PRELID2: variants seen among roughly 807,000 people sequenced by gnomAD.
PRELID2 encodes PRELI domain-containing protein 2.
In PRELID2, 25 loss-of-function variants were observed where a neutral mutation model predicts 28.4. That is an observed-to-expected ratio of 0.88 (90% confidence interval 0.64 to 1.23). PRELID2 has a LOEUF of 1.23. Ranked by LOEUF, PRELID2 falls within the 50% of genes most tolerant of loss-of-function variation. The pLI is 0.00. For missense variants in PRELID2, 201 were observed against 214.4 expected (o/e 0.94, Z 0.39); for synonymous variants, 76 against 71.6 (o/e 1.06, Z -0.31).
the PRELID2 span, among the ~76,000 whole-genome samples, chr5:145,398,026 C>T: frequency 5.3e-5 from 8 of 152,252 alleles, no homozygotes; most frequent in East Asian, 1.5e-3. Context: ...TTGAAATGAA[C>T]TTTGCATACC....
downstream of PRELID2, among the ~76,000 whole-genome samples, chr5:145,751,904 C>T (rs1243117953): frequency 1.3e-5 from 2 of 152,146 alleles, no homozygotes; most frequent in Non-Finnish European, 1.5e-5. Flanking sequence ...ATTGCTTGAA[C>T]CCAGGAAGCA....
the PRELID2 span, among the ~76,000 whole-genome samples, chr5:145,318,563 C>G: frequency 6.6e-6 from 1 of 152,242 alleles, no homozygotes; most frequent in Non-Finnish European, 1.5e-5. Flanking sequence ...CCTGGCCCCC[C>G]TCACAAGATG....
intron 1 of PRELID2, among the ~76,000 whole-genome samples, chr5:145,505,535 A>C (rs1752403773): frequency 6.6e-6 from 1 of 152,132 alleles, no homozygotes; most frequent in South Asian, 2.1e-4. Flanking sequence ...TTTTATTCTC[A>C]ACATTTTGAT....
At chr5:145,435,187 AT>A in the PRELID2 span, among the ~76,000 whole-genome samples, 1 of 152,200 alleles carries the variant, frequency 6.6e-6, no homozygotes, top group Non-Finnish European at 1.5e-5. Context: ...ATAAATAAAG[AT>A]GACATTTTAG....
chr5:145,589,034 CA>C (rs1366599024), intron 1 of PRELID2, among the ~76,000 whole-genome samples: 4 of 152,120 alleles, frequency 2.6e-5, no homozygotes, highest in Admixed American at 2.6e-4. Context: ...TATTTTCTTC[CA>C]GAAAGAGGGA....
intron 1 of PRELID2, among the ~76,000 whole-genome samples, chr5:145,519,205 A>G (rs971929107): frequency 3.3e-5 from 5 of 152,228 alleles, no homozygotes; most frequent in African/African-American, 1.2e-4. Flanking sequence ...AGAGGCTCCC[A>G]AACACCGAGT....
At chr5:145,422,681 C>T in the PRELID2 span, among the ~76,000 whole-genome samples, 3 of 152,018 alleles carry the variant, frequency 2.0e-5, no homozygotes. Context: ...GGTCTTGACT[C>T]TTTATCCAAT....
intron 1 of PRELID2, among the ~76,000 whole-genome samples, chr5:145,657,150 G>A (rs74319125): frequency 0.085 from 12,967 of 152,020 alleles, 776 homozygotes; most frequent in Admixed American, 0.19. Context: ...GGGTCAAACA[G>A]ATAATAATAA....
At chr5:145,736,643 G>T (rs1440145555) in intron 1 of PRELID2, among the ~76,000 whole-genome samples, 1 of 152,038 alleles carries the variant, frequency 6.6e-6, no homozygotes, top group Admixed American at 6.6e-5. Flanking sequence ...CAAAATATTT[G>T]TTAAACCCTG....
chr5:145,649,055 A>G (rs1754243689), intron 1 of PRELID2, among the ~76,000 whole-genome samples: 1 of 152,070 alleles, frequency 6.6e-6, no homozygotes, highest in African/African-American at 2.4e-5. Context: ...ATATTTTTGC[A>G]TTCAATCAAT....
intron 1 of PRELID2, among the ~76,000 whole-genome samples, chr5:145,707,103 T>C (rs972569689): frequency 6.6e-6 from 1 of 152,262 alleles, no homozygotes; most frequent in African/African-American, 2.4e-5. Flanking sequence ...GGTGAGGCAC[T>C]GTGCCACTGT....
At chr5:145,741,200 G>C (rs1327972740) in intron 1 of PRELID2, among the ~76,000 whole-genome samples, 1 of 62,596 alleles carries the variant, frequency 1.6e-5, no homozygotes, top group Non-Finnish European at 2.8e-5. Flanking sequence ...ATACTATACA[G>C]ATATAAATAT....
At chr5:145,284,108 G>A in the PRELID2 span, among the ~76,000 whole-genome samples, 1 of 152,072 alleles carries the variant, frequency 6.6e-6, no homozygotes, top group African/African-American at 2.4e-5. Context: ...TCTATAAAAT[G>A]GGGATAATAA....
the PRELID2 span, among the ~76,000 whole-genome samples, chr5:145,278,709 G>A: frequency 6.6e-6 from 1 of 151,972 alleles, no homozygotes; most frequent in Admixed American, 6.6e-5. Flanking sequence ...CAAGGGGAGG[G>A]GTCCATCCAA....
At chr5:145,379,423 G>A in the PRELID2 span, among the ~76,000 whole-genome samples, 1 of 152,176 alleles carries the variant, frequency 6.6e-6, no homozygotes, top group Non-Finnish European at 1.5e-5. Context: ...GTGATTATGT[G>A]CATGGTTGTA....
intron 1 of PRELID2, among the ~76,000 whole-genome samples, chr5:145,614,693 T>C (rs1005541968): frequency 3.9e-5 from 6 of 152,214 alleles, no homozygotes; most frequent in Non-Finnish European, 5.9e-5. Context: ...TCCAGAAACT[T>C]TGCTGAATTA....
intron 1 of PRELID2, among the ~76,000 whole-genome samples, chr5:145,490,602 A>C (rs1752260126): frequency 6.6e-6 from 1 of 152,220 alleles, no homozygotes; most frequent in African/African-American, 2.4e-5. Context: ...AAAGGGAAAC[A>C]TAAACAGTAC....
the PRELID2 span, among the ~76,000 whole-genome samples, chr5:145,410,259 T>G: frequency 6.6e-6 from 1 of 152,166 alleles, no homozygotes. Context: ...AGGCAAATAG[T>G]TTATGACCAA....
At chr5:145,625,849 T>A (rs576258538) in intron 1 of PRELID2, among the ~76,000 whole-genome samples, 6 of 152,268 alleles carry the variant, frequency 3.9e-5, no homozygotes, top group African/African-American at 1.4e-4. Flanking sequence ...CTTCCCTCCA[T>A]CTTACCAACA....
Sources: allele counts gnomAD v4.1 joint callset (sites outside exome capture counted in the v4.1 genomes callset), GRCh38; gene constraint gnomAD v4.1.1; transcripts MANE v1.5; gene names NCBI Gene and HGNC (gene_info 2026-07-23, HGNC 2026-07-21).